Variants in KALRN observed in about 807,000 individuals in gnomAD.
KALRN encodes kalirin.
Under a neutral mutation model 353.7 loss-of-function variants are expected in KALRN, and 70 were observed. The ratio of observed to expected loss-of-function variants is 0.20; its 90% CI spans 0.16 to 0.24. The LOEUF is 0.24. Among genes scored for constraint, KALRN ranks in the 10% least tolerant of loss-of-function variants. The pLI is 1.00. For missense variants in KALRN, 2,791 were observed against 3,756.7 expected, an observed-to-expected ratio of 0.74 and a Z score of 6.72; for synonymous variants, 1,391 against 1,434.8, an observed-to-expected ratio of 0.97 and a Z score of 0.69.
chr3:124,556,455 A>G (rs556064662), intron 33 of KALRN, among the ~76,000 whole-genome samples: 2 of 152,344 alleles, frequency 1.3e-5, no homozygotes, highest in African/African-American at 2.4e-5. Flanking sequence ...AAGCTCTTTT[A>G]ATGGAACCTA....
intron 1 of KALRN, among the ~76,000 whole-genome samples, chr3:124,072,835 C>T (rs970232909): frequency 2.6e-5 from 4 of 152,176 alleles, no homozygotes; most frequent in African/African-American, 9.7e-5. Flanking sequence ...GCTGGCCAGC[C>T]AGGGCACTTC....
intron 1 of KALRN, among the ~76,000 whole-genome samples, chr3:124,077,200 G>C (rs571760513): frequency 3.7e-4 from 57 of 152,324 alleles, no homozygotes; most frequent in Non-Finnish European, 6.8e-4. Context: ...GAGGAGAGTA[G>C]ACCTGGGTGG....
At chr3:124,581,974 G>T (rs1337968823) in intron 34 of KALRN, among the ~76,000 whole-genome samples, 1 of 151,898 alleles carries the variant, frequency 6.6e-6, no homozygotes, top group East Asian at 1.9e-4. Context: ...CAATTATCAG[G>T]ATGGTCAGTG....
chr3:124,368,778 C>T (rs11924031), intron 10 of KALRN, among the ~76,000 whole-genome samples: 56,291 of 150,406 alleles, frequency 0.37, 11,629 homozygotes, highest in East Asian at 0.73. Context: ...CACCATTGAG[C>T]ACTGAGTGAA....
At chr3:124,097,786 A>G (rs1276694318) in intron 1 of KALRN, among the ~76,000 whole-genome samples, 1 of 152,260 alleles carries the variant, frequency 6.6e-6, no homozygotes, top group East Asian at 1.9e-4. Flanking sequence ...ACTATATGCA[A>G]GAATTTATTT....
chr3:124,162,958 A>C (rs1430520614), intron 1 of KALRN: 2 of 152,210 alleles, frequency 1.3e-5, no homozygotes, highest in East Asian at 3.8e-4. Flanking sequence ...CTGAATTCCC[A>C]ATGTTTACTA....
intron 6 of KALRN, among the ~76,000 whole-genome samples, chr3:124,309,920 T>A (rs1304031648): frequency 6.6e-6 from 1 of 152,176 alleles, no homozygotes; most frequent in Non-Finnish European, 1.5e-5. Context: ...GAGGGTCTAT[T>A]CAGGGCAATT....
chr3:124,623,687 G>A (rs976934860), intron 34 of KALRN, among the ~76,000 whole-genome samples: 9 of 152,124 alleles, frequency 5.9e-5, no homozygotes, highest in Non-Finnish European at 1.3e-4. Context: ...GTAAGGGTGG[G>A]TCTGCCTTCC....
intron 33 of KALRN, among the ~76,000 whole-genome samples, chr3:124,503,051 A>G (rs1280826122): frequency 6.6e-6 from 1 of 152,152 alleles, no homozygotes; most frequent in Non-Finnish European, 1.5e-5. Flanking sequence ...GGCAGGAAAA[A>G]TGGGATAGGT....
chr3:124,635,050 G>A (rs1296475796), intron 36 of KALRN, among the ~76,000 whole-genome samples: 1 of 152,186 alleles, frequency 6.6e-6, no homozygotes, highest in Non-Finnish European at 1.5e-5. Flanking sequence ...ACTCTGAGAT[G>A]TGGCAGCTGC....
chr3:124,283,734 G>T (rs777437989), intron 5 of KALRN, among the ~76,000 whole-genome samples: 2 of 152,202 alleles, frequency 1.3e-5, no homozygotes, highest in Non-Finnish European at 2.9e-5. Flanking sequence ...CTTGAGGAGG[G>T]CAAGTGCGAG....
intron 13 of KALRN, 105 bp downstream of exon 13, chr3:124,398,976 C>T: frequency 1.7e-6 from 2 of 1,205,818 alleles, no homozygotes; most frequent in Non-Finnish European, 2.3e-6. Flanking sequence ...TTAGAGCATC[C>T]AGCATGCATT....
intron 1 of KALRN, among the ~76,000 whole-genome samples, chr3:124,158,783 A>G (rs976779209): frequency 6.6e-6 from 1 of 152,182 alleles, no homozygotes; most frequent in Non-Finnish European, 1.5e-5. Context: ...TTGCAAGGCC[A>G]CTGACAGTGG....
intron 4 of KALRN, among the ~76,000 whole-genome samples, chr3:124,266,022 G>A (rs888477484): frequency 6.6e-6 from 1 of 152,162 alleles, no homozygotes; most frequent in Non-Finnish European, 1.5e-5. Context: ...GGCTGAGGCA[G>A]GAGAATCACT....
At chr3:124,172,468 A>G (rs922019136) in intron 1 of KALRN, among the ~76,000 whole-genome samples, 2 of 152,188 alleles carry the variant, frequency 1.3e-5, no homozygotes, top group Admixed American at 6.5e-5. Flanking sequence ...TGCACAGAGA[A>G]TCTAGTCACT....
chr3:124,163,876 G>GC, intron 1 of KALRN: 1 of 985,392 alleles, frequency 1.0e-6, no homozygotes, highest in Non-Finnish European at 1.2e-6. Flanking sequence ...CCAAGCCTTG[G>GC]CCAAGTCACT....
chr3:124,385,944 T>C (rs1278748660), intron 11 of KALRN, among the ~76,000 whole-genome samples: 13 of 151,974 alleles, frequency 8.6e-5, no homozygotes, highest in Admixed American at 8.5e-4. Context: ...TAAAGTTTGA[T>C]TGCTGCTCAG....
chr3:124,658,299 T>C, intron 41 of KALRN, 132 bp from the exon 42 acceptor site: 1 of 718,890 alleles, frequency 1.4e-6, no homozygotes, highest in Non-Finnish European at 2.5e-6. Flanking sequence ...ATATCCTTGA[T>C]ATTCAGCTGC....
intron 8 of KALRN, among the ~76,000 whole-genome samples, chr3:124,333,440 G>A (rs1475926951): frequency 6.6e-6 from 1 of 152,166 alleles, no homozygotes. Flanking sequence ...GACCCAGGAG[G>A]TTAAATAACT....
Sources: gnomAD v4.1 joint callset for allele counts (sites outside exome capture counted in the v4.1 genomes callset) on GRCh38, gnomAD v4.1.1 for gene constraint, MANE v1.5 for transcripts, NCBI Gene and HGNC (gene_info 2026-07-23, HGNC 2026-07-21) for gene names.